The following SNX13 variants were observed in gnomAD, a reference collection of about 807,000 sequenced individuals.
SNX13 encodes sorting nexin 13.
SNX13 carries 45 observed loss-of-function variants against 133.6 expected under a neutral mutation model. The ratio of observed to expected loss-of-function variants is 0.34; its 90% CI spans 0.27 to 0.43. The LOEUF (loss-of-function observed/expected upper bound fraction) is 0.43. Ranked by LOEUF, SNX13 falls within the 20% of genes least tolerant of loss-of-function variation. SNX13 has a pLI of 1.00. For missense variants in SNX13, 1,032 were observed against 1,145.1 expected (o/e 0.90, Z 1.43); for synonymous variants, 414 against 373.9 (o/e 1.11, Z -1.24).
chr7:17,864,120 C>T (rs1793079681), intron 9 of SNX13, among the ~76,000 whole-genome samples: 1 of 152,102 alleles, frequency 6.6e-6, no homozygotes, highest in South Asian at 2.1e-4. Flanking sequence ...CTTCAATGTC[C>T]AGACATTAAT....
At chr7:17,824,838 C>T (rs755315748) in intron 17 of SNX13, among the ~76,000 whole-genome samples, 6 of 150,386 alleles carry the variant, frequency 4.0e-5, no homozygotes, top group East Asian at 3.9e-4. Context: ...GGTGTGATCT[C>T]GGCTCATTGA....
intron 1 of SNX13, chr7:17,900,169 GT>G (rs1237467798): frequency 6.6e-6 from 1 of 152,256 alleles, no homozygotes; most frequent in East Asian, 1.9e-4. Context: ...CCCAAACAGA[GT>G]CAGTCTCTCT....
chr7:17,795,983 A>C (rs1395955107), intron 25 of SNX13: 1 of 151,758 alleles, frequency 6.6e-6, no homozygotes, highest in Non-Finnish European at 1.5e-5. Flanking sequence ...GTAAGAAAAC[A>C]AAATTAGAGA....
Position 17,850,913 on chromosome 7 carries a change from T to A in SNX13, c.889A>T (p.Ser297Cys), listed in dbSNP as rs1254389228. The A allele has an allele frequency of 6.2e-7, 1 of 1,610,876 alleles. No homozygotes were observed. Among genetic ancestry groups the A allele is most frequent in the Non-Finnish European group, 8.5e-7 (1 of 1,179,046 alleles). The change falls in exon 10 of 26, where the codon AGT (serine) becomes TGT (cysteine). Residue 297 changes from serine to cysteine, a missense_variant. Transcript: ENST00000428135. ...YEAFMNIIKL[S>C]DNIGELEAVR... ...GCTTCTAGCTCTCCAATATTGTCAC[T>A]CAATTTAATAATGTTCATAAAGGCC...
chr7:17,883,730 G>C (rs908414514), intron 5 of SNX13, among the ~76,000 whole-genome samples: 14 of 151,710 alleles, frequency 9.2e-5, no homozygotes, highest in Non-Finnish European at 1.5e-4. Flanking sequence ...CCCCCCAAGA[G>C]GCCCCGGTGT....
At chr7:17,934,182 C>G (rs1415531936) in intron 1 of SNX13, among the ~76,000 whole-genome samples, 6 of 152,198 alleles carry the variant, frequency 3.9e-5, no homozygotes, top group Non-Finnish European at 8.8e-5. Context: ...AACGTTTCCT[C>G]TCCTTACACA....
At chr7:17,865,657 C>T (rs1349755211) in intron 9 of SNX13, among the ~76,000 whole-genome samples, 2 of 151,942 alleles carry the variant, frequency 1.3e-5, no homozygotes, top group Non-Finnish European at 2.9e-5. Flanking sequence ...TATATGGAAC[C>T]ACAAAAGACC....
At chr7:17,821,086 TG>T (rs1787230788) in intron 18 of SNX13, among the ~76,000 whole-genome samples, 1 of 152,182 alleles carries the variant, frequency 6.6e-6, no homozygotes, top group Non-Finnish European at 1.5e-5. Flanking sequence ...TTCATTTCAC[TG>T]TTACACTGCT....
At chr7:17,895,448 T>C (rs1375631691) in intron 2 of SNX13, among the ~76,000 whole-genome samples, 1 of 152,160 alleles carries the variant, frequency 6.6e-6, no homozygotes, top group Non-Finnish European at 1.5e-5. Flanking sequence ...ATAAGCAAAA[T>C]ATAGACATTA....
At chr7:17,902,915 A>G (rs1014588588) in intron 1 of SNX13, among the ~76,000 whole-genome samples, 2 of 152,092 alleles carry the variant, frequency 1.3e-5, no homozygotes, top group African/African-American at 2.4e-5. Context: ...CTCTAGGTTG[A>G]GTATTCCTTA....
At chr7:17,906,215 G>A (rs1798381044) in intron 1 of SNX13, among the ~76,000 whole-genome samples, 1 of 152,074 alleles carries the variant, frequency 6.6e-6, no homozygotes, top group African/African-American at 2.4e-5. Flanking sequence ...AGACTTATCA[G>A]TGCCCAAAAG....
intron 5 of SNX13, among the ~76,000 whole-genome samples, chr7:17,884,316 A>G (rs529271292): frequency 6.6e-6 from 1 of 152,312 alleles, no homozygotes; most frequent in East Asian, 1.9e-4. Context: ...AGAAAATTAC[A>G]TTTTACAAAA....
At chr7:17,895,359 A>C (rs1797090411) in intron 2 of SNX13, among the ~76,000 whole-genome samples, 1 of 152,192 alleles carries the variant, frequency 6.6e-6, no homozygotes. Context: ...ATCCTACAAC[A>C]ACAAAAACGA....
chr7:17,821,736 T>A, intron 17 of SNX13, 88 bp from the exon 18 acceptor site: 2 of 1,408,200 alleles, frequency 1.4e-6, no homozygotes, highest in Middle Eastern at 1.9e-4. Flanking sequence ...AGGAGGAAGA[T>A]GAAGAAAACA....
intron 18 of SNX13, among the ~76,000 whole-genome samples, chr7:17,821,109 C>T (rs2128302322): frequency 6.6e-6 from 1 of 152,168 alleles, no homozygotes; most frequent in African/African-American, 2.4e-5. Context: ...GATTAAACTG[C>T]CATTTAAAAT....
At chr7:17,917,916 A>G (rs1799733747) in intron 1 of SNX13, among the ~76,000 whole-genome samples, 1 of 152,208 alleles carries the variant, frequency 6.6e-6, no homozygotes, top group South Asian at 2.1e-4. Context: ...TTAAAACTAT[A>G]CAAGGCTACA....
At chr7:17,890,257 C>T in intron 5 of SNX13, 106 bp downstream of exon 5, 3 of 1,086,200 alleles carry the variant, frequency 2.8e-6, no homozygotes, top group Admixed American at 2.8e-5. Context: ...ATCTGCTGTT[C>T]TACTTACCTT....
In SNX13 at chr7:17,897,375, T is replaced by G. The variant is rs764931193; in HGVS notation, c.84A>C (p.Val28=). 16 of 1,594,264 alleles carry G rather than the reference T, an allele frequency of 1.0e-5. 1 individual carries two copies. Among genetic ancestry groups the G allele is most frequent in the Admixed American group, 5.2e-5 (3 of 58,168 alleles). Residue 28 remains valine (V), a synonymous_variant, in exon 2 of 26, where the codon GTA becomes GTC. Coordinates refer to ENST00000428135, the MANE Select transcript of SNX13 (RefSeq NM_015132.5). The stretch of plus-strand genomic sequence containing the variant: ...GGATATAAAATGTCAAATAAAATAT[T>G]ACAAAGGGTCCAAAGGTTATCAGAA... ...VLFLITFGPF[V]IFYLTFYILC...
At chr7:17,819,031 G>C (rs1475853779) in intron 18 of SNX13, among the ~76,000 whole-genome samples, 3 of 152,138 alleles carry the variant, frequency 2.0e-5, no homozygotes, top group Non-Finnish European at 4.4e-5. Context: ...TCTCTCATAT[G>C]TTGCTAGCAT....
Sources: gnomAD v4.1 joint callset for allele counts (sites outside exome capture counted in the v4.1 genomes callset) on GRCh38, gnomAD v4.1.1 for gene constraint, MANE v1.5 for transcripts, NCBI Gene and HGNC (gene_info 2026-07-23, HGNC 2026-07-21) for gene names.